Variants in SLC5A10 observed in about 807,000 individuals in gnomAD.
The protein encoded by SLC5A10 is solute carrier family 5 member 10.
SLC5A10 carries 55 observed loss-of-function variants against 68.9 expected under a neutral mutation model. That is an observed-to-expected ratio of 0.80 (90% CI 0.64 to 1.00). The LOEUF is 1.00. Ranked by LOEUF, SLC5A10 falls within the 50% of genes least tolerant of loss-of-function variation. The pLI is 0.00. For synonymous variants in SLC5A10, 344 were observed against 344.8 expected, an observed-to-expected ratio of 1.00 and a Z score of 0.02; for missense variants, 732 against 819.3, an observed-to-expected ratio of 0.89 and a Z score of 1.30.
At position 18,979,825 on chromosome 17, in the gene SLC5A10, G is replaced by A. The variant is rs2043083766; in HGVS notation, c.982+2836G>A. The A allele has an allele frequency of 6.8e-6, 6 of 875,964 alleles. No homozygotes were observed. The East Asian group carries it at 1.2e-4, about 18-fold the overall frequency. 54.3% of individuals were successfully genotyped at this position (875,964 alleles called of 1,614,324 possible). A position where few individuals can be genotyped will look rare whatever the true frequency, so the allele number is the denominator to read the frequency against. ...GTAAGGCCTGGAGAAAGGGGCTGGT[G>A]TGTCTGGGACTGCAGGGCTCAGGGT... On this transcript the variant is annotated intron_variant, in intron 9 of 14. Transcript: ENST00000395645.
chr17:18,965,727 AGTG>A (rs1291802162), intron 5 of SLC5A10, among the ~76,000 whole-genome samples: 1 of 152,146 alleles, frequency 6.6e-6, no homozygotes, highest in Non-Finnish European at 1.5e-5. Flanking sequence ...GCAAGCCCCC[AGTG>A]GTGGCTACAT....
In SLC5A10 at chr17:18,966,353, C is replaced by T. The variant is rs566905006; in HGVS notation, c.454-2699C>T. On this transcript the variant is annotated intron_variant, in intron 5 of 14. Transcript: ENST00000395645. ...CTGTGCCCTGGGAGTGGCCCTTCCT[C>T]GGGGATGCTGTTCCCTGGTGCAGTC... Among the ~76,000 whole-genome samples, 266 of 152,266 alleles carry T rather than the reference C, an allele frequency of 1.7e-3. 5 individuals are homozygous for T. In the South Asian group the frequency reaches 0.022, roughly 13 times the overall value.
chr17:19,002,657 G>A (rs1227566338), intron 9 of SLC5A10, among the ~76,000 whole-genome samples: 2 of 152,220 alleles, frequency 1.3e-5, no homozygotes, highest in African/African-American at 4.8e-5. Flanking sequence ...ACGATGAGAA[G>A]GTACTTACGT....
chr17:19,008,644 C>T (rs985163851), intron 9 of SLC5A10, among the ~76,000 whole-genome samples: 47 of 151,564 alleles, frequency 3.1e-4, no homozygotes, highest in African/African-American at 5.3e-4. Flanking sequence ...GGACTACAGG[C>T]GCCTGCCACC....
intron 5 of SLC5A10, among the ~76,000 whole-genome samples, chr17:18,961,964 G>A (rs1399080523): frequency 1.3e-5 from 2 of 152,222 alleles, no homozygotes; most frequent in Non-Finnish European, 1.5e-5. Context: ...TTGGCGTACT[G>A]TAGGAGGTTT....
intron 9 of SLC5A10, among the ~76,000 whole-genome samples, chr17:18,987,944 G>T (rs572292076): frequency 2.0e-5 from 3 of 152,240 alleles, no homozygotes; most frequent in Non-Finnish European, 4.4e-5. Context: ...ACAGATAACC[G>T]ATGTGGCATG....
At chr17:18,952,924 C>T (rs73306429) in intron 1 of SLC5A10, among the ~76,000 whole-genome samples, 7 of 152,182 alleles carry the variant, frequency 4.6e-5, no homozygotes, top group Non-Finnish European at 7.4e-5. Context: ...ATGGAGAAAC[C>T]GAGGCTCTGG....
chr17:18,985,950 A>C (rs992024743), intron 9 of SLC5A10, among the ~76,000 whole-genome samples: 2 of 152,210 alleles, frequency 1.3e-5, no homozygotes, highest in Non-Finnish European at 2.9e-5. Context: ...GTAGCTGTAT[A>C]ACTTTCCTCA....
chr17:19,013,278 A>G (rs1477585384), intron 9 of SLC5A10, 132 bp from the exon 10 acceptor site: 2 of 1,453,252 alleles, frequency 1.4e-6, no homozygotes, highest in East Asian at 5.3e-5. Context: ...CTGAGGCCCA[A>G]GGCCAAATGG....
chr17:19,019,125 A>G (rs1336843565), intron 11 of SLC5A10: 1 of 386,936 alleles, frequency 2.6e-6, no homozygotes, highest in Admixed American at 4.3e-5. Flanking sequence ...AGGAGAGACA[A>G]GAGGGAGCTC....
At chr17:18,950,704 G>GTTT (rs1270072196), upstream of SLC5A10, 1 of 985,336 alleles carries the variant, frequency 1.0e-6, no homozygotes, top group East Asian at 1.1e-4. Context: ...ACTATTAATT[G>GTTT]TTTTTTGTTG....
At chr17:18,982,855 C>T (rs1284637212) in intron 9 of SLC5A10, among the ~76,000 whole-genome samples, 1 of 152,252 alleles carries the variant, frequency 6.6e-6, no homozygotes, top group Non-Finnish European at 1.5e-5. Flanking sequence ...CAAATGGACG[C>T]CAACCAAGGC....
rs199694829 is a variant in SLC5A10, at chr17:18,969,057, C to T, written c.459C>T (p.Asp153=). 4.3e-6 allele frequency: 7 copies of T among 1,613,192 alleles called. No individual in the cohort carries two copies. The highest frequency in any genetic ancestry group is 4.0e-5 in the African/African-American group (3 of 75,030). The change falls in exon 6 of 15, where the codon GAC becomes GAT. Residue 153 remains aspartate (D), a synonymous_variant. Transcript: ENST00000395645. Reference sequence around the variant, plus strand: ...AAGGCTCTCTCCCTCCGCAGCTGGACCTGTACGCGGGGGCTCTGTTTGTGC... The same window carrying T: ...AAGGCTCTCTCCCTCCGCAGCTGGATCTGTACGCGGGGGCTCTGTTTGTGC... ...LLSVFTKISL[D]LYAGALFVHI... is the part of the protein sequence containing the mutation.
intron 9 of SLC5A10, among the ~76,000 whole-genome samples, chr17:19,005,873 C>T (rs895486479): frequency 2.6e-5 from 4 of 152,258 alleles, no homozygotes; most frequent in African/African-American, 4.8e-5. Context: ...TTTGCATCCT[C>T]CTCCTGCCCC....
In SLC5A10 at chr17:19,003,832, G is replaced by C. The variant is rs1374512268; in HGVS notation, c.983-9578G>C. On this transcript the variant is annotated intron_variant, in intron 9 of 14. Coordinates refer to ENST00000395645, the MANE Select transcript of SLC5A10 (RefSeq NM_001042450.4). This position sits in a 1 kb window ranked among gnomAD's most constrained non-coding sequence, Gnocchi z 4.5. ...CAGAGCCCGGGTCGTACACCTCGAT[G>C]GTCTCCAGGATGCGCTTGAGCTCCA... is the stretch of plus-strand genomic sequence containing the variant. 2 of 1,612,980 alleles carry C rather than the reference G, an allele frequency of 1.2e-6. No homozygotes were observed. The highest frequency in any genetic ancestry group is 1.7e-6 in the Non-Finnish European group (2 of 1,179,924).
chr17:18,959,668 G>T lies in SLC5A10; in HGVS notation c.348+5G>T. The T allele has an allele frequency of 6.2e-7, 1 of 1,613,958 alleles. No individual in the cohort carries two copies. Among genetic ancestry groups the T allele is most frequent in the Non-Finnish European group, 8.5e-7 (1 of 1,179,962 alleles). On this transcript the variant is annotated splice_donor_5th_base_variant and intron_variant, in intron 4 of 14. Coordinates refer to ENST00000395645, the MANE Select transcript of SLC5A10 (RefSeq NM_001042450.4). The stretch of plus-strand genomic sequence containing the variant: ...CCCATCTACATCTCCTCAGAGGTGA[G>T]TCTACTCATGGGGCCTCCAGCTGGG...
At position 18,971,143 on chromosome 17, in the gene SLC5A10, C is replaced by G; in HGVS notation, c.771C>G (p.His257Gln). ...TDAMHMFRDP[H>Q]TGDLPWTGMT... ...CCATGCACATGTTTCGAGACCCCCA[C>G]ACAGGGGACCTGCCGTGGACCGGGA... Residue 257 changes from histidine to glutamine, a missense_variant, in exon 8 of 15, where the codon CAC (histidine) becomes CAG (glutamine). Transcript: ENST00000395645. The surrounding 1 kb of genome is among the most constrained non-coding windows in gnomAD (Gnocchi z 5.5). 6.2e-7 allele frequency: 1 copy of G among 1,614,086 alleles called. No individual in the cohort carries two copies. The highest frequency in any genetic ancestry group is 8.5e-7 in the Non-Finnish European group (1 of 1,180,044).
intron 9 of SLC5A10, among the ~76,000 whole-genome samples, chr17:19,002,223 T>C (rs755548492): frequency 6.6e-5 from 10 of 152,226 alleles, no homozygotes; most frequent in Admixed American, 2.0e-4. Flanking sequence ...CTCCATCTTA[T>C]AGATCAGAAA....
Position 19,004,120 on chromosome 17 carries a change from G to A in SLC5A10, c.983-9290G>A, listed in dbSNP as rs963763635. 3.4e-5 allele frequency: 48 copies of A among 1,413,140 alleles called. No individual in the cohort carries two copies. The African/African-American group carries it at 6.5e-4, about 19-fold the overall frequency. The allele number at this position is 1,413,140 out of a possible 1,614,324, so 87.5% of individuals were successfully genotyped here. On this transcript the variant is annotated intron_variant, in intron 9 of 14. Transcript: ENST00000395645. This position sits in a 1 kb window ranked among gnomAD's most constrained non-coding sequence, Gnocchi z 5.4. The stretch of plus-strand genomic sequence containing the variant: ...CTAGCTCCGGCCCAGCTGGGGCACC[G>A]CGCGCTCGGGGGCCTCTCCGCGGCC...
Sources: gnomAD v4.1 joint callset for allele counts (sites outside exome capture counted in the v4.1 genomes callset) on GRCh38, gnomAD v4.1.1 for gene constraint, Gnocchi (gnomAD v3.1) non-coding constraint, MANE v1.5 for transcripts, NCBI Gene and HGNC (gene_info 2026-07-23, HGNC 2026-07-21) for gene names.